VPS8: variants seen among roughly 807,000 people sequenced by gnomAD.
VPS8 encodes the protein VPS8 subunit of CORVET complex.
Under a neutral mutation model 216.4 loss-of-function variants are expected in VPS8, and 129 were observed. The ratio of observed to expected loss-of-function variants is 0.60; its 90% confidence interval spans 0.52 to 0.69. The LOEUF is 0.69. VPS8 is among the 30% of genes least tolerant of loss of function. VPS8 has a pLI of 0.00. For synonymous variants in VPS8, 571 were observed against 565.4 expected (o/e 1.01, Z -0.14); for missense variants, 1,531 against 1,683.5 (o/e 0.91, Z 1.59).
At chr3:185,020,240 G>T (rs1756451876) in intron 45 of VPS8, among the ~76,000 whole-genome samples, 1 of 152,202 alleles carries the variant, frequency 6.6e-6, no homozygotes, top group African/African-American at 2.4e-5. Flanking sequence ...GGCAGTGAAT[G>T]AACTGCTTTG....
intron 39 of VPS8, among the ~76,000 whole-genome samples, chr3:184,967,151 A>T (rs1747554993): frequency 6.6e-6 from 1 of 152,012 alleles, no homozygotes; most frequent in Admixed American, 6.6e-5. Flanking sequence ...TTTTTTGTAG[A>T]GATGGGGTTT....
At chr3:184,867,056 C>A in intron 17 of VPS8, 106 bp downstream of exon 17, 2 of 1,002,754 alleles carry the variant, frequency 2.0e-6, no homozygotes, top group South Asian at 1.7e-5. Flanking sequence ...GAATATTGGT[C>A]AGCAATTATC....
At chr3:184,953,888 A>G (rs1046038334) in intron 36 of VPS8, among the ~76,000 whole-genome samples, 2 of 152,146 alleles carry the variant, frequency 1.3e-5, no homozygotes, top group Non-Finnish European at 2.9e-5. Context: ...TCTCAGTTTC[A>G]TTAAGTTGGT....
At chr3:184,949,050 A>AACTTT (rs1744193163) in intron 36 of VPS8, among the ~76,000 whole-genome samples, 1 of 152,202 alleles carries the variant, frequency 6.6e-6, no homozygotes, top group South Asian at 2.1e-4. Context: ...TCACACCTGT[A>AACTTT]ACCTCACCAC....
At chr3:185,035,004 G>T (rs1758687071) in intron 46 of VPS8, among the ~76,000 whole-genome samples, 1 of 152,066 alleles carries the variant, frequency 6.6e-6, no homozygotes, top group Non-Finnish European at 1.5e-5. Flanking sequence ...AGAGGAAATG[G>T]ATAAATTCCT....
At chr3:184,996,078 A>T (rs1003365793) in intron 43 of VPS8, among the ~76,000 whole-genome samples, 13 of 152,378 alleles carry the variant, frequency 8.5e-5, no homozygotes, top group African/African-American at 3.1e-4. Context: ...CACATTTCTC[A>T]ATAGAAACTA....
intron 22 of VPS8, among the ~76,000 whole-genome samples, chr3:184,893,891 A>T (rs1732838020): frequency 6.6e-6 from 1 of 152,190 alleles, no homozygotes; most frequent in African/African-American, 2.4e-5. Flanking sequence ...CAAAATGGTA[A>T]TTTTGAAGAA....
At chr3:184,892,751 C>T (rs1420858578) in intron 22 of VPS8, among the ~76,000 whole-genome samples, 1 of 152,184 alleles carries the variant, frequency 6.6e-6, no homozygotes, top group Non-Finnish European at 1.5e-5. Context: ...TGTTTGTAAA[C>T]AGGAGTGCCT....
At chr3:184,937,793 C>T (rs948073193) in intron 35 of VPS8, among the ~76,000 whole-genome samples, 9 of 152,128 alleles carry the variant, frequency 5.9e-5, no homozygotes, top group Admixed American at 3.9e-4. Context: ...TGAAGCATGA[C>T]GTCAGCAGGG....
intron 8 of VPS8, among the ~76,000 whole-genome samples, chr3:184,847,026 A>G (rs1225522960): frequency 6.6e-6 from 1 of 152,224 alleles, no homozygotes; most frequent in African/African-American, 2.4e-5. Context: ...TAAGGAGGAG[A>G]ACAGTCAGAA....
chr3:184,907,877 C>G (rs962794123), intron 25 of VPS8, among the ~76,000 whole-genome samples: 1 of 152,186 alleles, frequency 6.6e-6, no homozygotes, highest in Non-Finnish European at 1.5e-5. Flanking sequence ...CCTGCTTGCA[C>G]AGAGCTGCAA....
chr3:184,816,808 A>G (rs1716421567), intron 1 of VPS8, among the ~76,000 whole-genome samples: 1 of 152,106 alleles, frequency 6.6e-6, no homozygotes, highest in South Asian at 2.1e-4. Flanking sequence ...GGCATGTGAG[A>G]ACTGAGACAT....
chr3:184,948,999 A>C (rs1481693152), intron 36 of VPS8, among the ~76,000 whole-genome samples: 1 of 152,192 alleles, frequency 6.6e-6, no homozygotes, highest in Admixed American at 6.5e-5. Flanking sequence ...AGAAATAACA[A>C]ATTTTATTAA....
chr3:184,982,354 G>A, intron 40 of VPS8: 1 of 525,224 alleles, frequency 1.9e-6, no homozygotes, highest in South Asian at 2.6e-5. Context: ...TGATAAAGAT[G>A]CCTGTTCTAG....
At chr3:184,958,998 AACTT>A (rs1307268815) in intron 37 of VPS8, among the ~76,000 whole-genome samples, 6 of 152,204 alleles carry the variant, frequency 3.9e-5, no homozygotes, top group Non-Finnish European at 8.8e-5. Context: ...CCTCTGCTGA[AACTT>A]ACAAGAAATC....
chr3:184,924,761 G>C (rs747350540), intron 29 of VPS8, 101 bp from the exon 30 acceptor site: 1 of 1,389,744 alleles, frequency 7.2e-7, no homozygotes, highest in South Asian at 1.5e-5. Context: ...ATCTTTTTAC[G>C]CGTCTTCAGT....
At chr3:184,848,564 C>CTTTTTTTTTTT (rs35715889) in intron 8 of VPS8, among the ~76,000 whole-genome samples, 4 of 87,204 alleles carry the variant, frequency 4.6e-5, no homozygotes, top group Non-Finnish European at 8.9e-5. Context: ...TTCCTGTATT[C>CTTTTTTTTTTT]TTTTTTTTTT....
At chr3:184,957,829 A>G (rs1003044164) in intron 37 of VPS8, among the ~76,000 whole-genome samples, 1 of 152,208 alleles carries the variant, frequency 6.6e-6, no homozygotes, top group African/African-American at 2.4e-5. Context: ...GTGACAAGAC[A>G]GGAGAGAGCA....
intron 36 of VPS8, chr3:184,944,722 C>A: frequency 3.0e-6 from 1 of 335,922 alleles, no homozygotes. Context: ...AAAACACATA[C>A]GTCACATTGT....
Sources: allele counts gnomAD v4.1 joint callset (sites outside exome capture counted in the v4.1 genomes callset), GRCh38; gene constraint gnomAD v4.1.1; transcripts MANE v1.5; gene names NCBI Gene and HGNC (gene_info 2026-07-23, HGNC 2026-07-21).